Variants in HEMK2 observed in about 807,000 individuals in gnomAD.
HEMK2 encodes HemK methyltransferase 2, ETF1 glutamine and histone H4 lysine.
the HEMK2 span, among the ~76,000 whole-genome samples, chr21:28,854,576 G>A: frequency 6.6e-6 from 1 of 152,070 alleles, no homozygotes; most frequent in African/African-American, 2.4e-5. Flanking sequence ...ACAATCATAA[G>A]GTCCCACAAT....
At chr21:28,603,549 ATGTGTGTGTGTG>A in the HEMK2 span, among the ~76,000 whole-genome samples, 5,569 of 135,810 alleles carry the variant, frequency 0.041, 124 homozygotes, top group Middle Eastern at 0.055. Context: ...GAGGATATAT[ATGTGTGTGTGTG>A]TGTGTGTGTG....
chr21:28,773,426 G>T, the HEMK2 span, among the ~76,000 whole-genome samples: 1 of 152,102 alleles, frequency 6.6e-6, no homozygotes, highest in African/African-American at 2.4e-5. Context: ...ACAGAGCTCA[G>T]TAAAGACACA....
chr21:28,756,915 T>G, the HEMK2 span, among the ~76,000 whole-genome samples: 1 of 152,250 alleles, frequency 6.6e-6, no homozygotes. Context: ...ATCAATGCTA[T>G]TTTCTACTTA....
chr21:28,684,922 C>T, the HEMK2 span, among the ~76,000 whole-genome samples: 1 of 152,126 alleles, frequency 6.6e-6, no homozygotes, highest in Non-Finnish European at 1.5e-5. Flanking sequence ...AAGTCAGACA[C>T]TAGTTAAAGA....
the HEMK2 span, among the ~76,000 whole-genome samples, chr21:28,771,527 C>G: frequency 2.1e-5 from 3 of 139,708 alleles, no homozygotes; most frequent in African/African-American, 5.3e-5. Context: ...CACCCCCCCC[C>G]GCCAAAGAAT....
chr21:28,722,899 A>G, the HEMK2 span, among the ~76,000 whole-genome samples: 1 of 152,058 alleles, frequency 6.6e-6, no homozygotes, highest in Admixed American at 6.5e-5. Flanking sequence ...AAACAAACAA[A>G]CAAACAAACA....
the HEMK2 span, among the ~76,000 whole-genome samples, chr21:28,861,448 A>G: frequency 1.3e-5 from 2 of 152,370 alleles, no homozygotes; most frequent in Admixed American, 6.5e-5. Flanking sequence ...ACAAAAGACT[A>G]ATTTGAATTA....
At chr21:28,630,564 T>C in the HEMK2 span, among the ~76,000 whole-genome samples, 2 of 151,376 alleles carry the variant, frequency 1.3e-5, no homozygotes, top group African/African-American at 4.9e-5. Context: ...ATTAAGAAAA[T>C]GTGGCACATA....
chr21:28,621,024 T>A, the HEMK2 span, among the ~76,000 whole-genome samples: 3 of 152,032 alleles, frequency 2.0e-5, no homozygotes, highest in African/African-American at 7.2e-5. Flanking sequence ...GTTAATCTTT[T>A]CAAAAAACCA....
chr21:28,622,040 T>C, the HEMK2 span, among the ~76,000 whole-genome samples: 1 of 152,312 alleles, frequency 6.6e-6, no homozygotes, highest in East Asian at 1.9e-4. Flanking sequence ...TAAATATTCC[T>C]CCATCCCTTC....
At chr21:28,866,371 C>T in the HEMK2 span, among the ~76,000 whole-genome samples, 1 of 151,030 alleles carries the variant, frequency 6.6e-6, no homozygotes, top group African/African-American at 2.4e-5. Flanking sequence ...ATTGCTTAAA[C>T]CCAGGAGGCA....
chr21:28,863,645 C>T, the HEMK2 span, among the ~76,000 whole-genome samples: 1 of 151,390 alleles, frequency 6.6e-6, no homozygotes, highest in African/African-American at 2.4e-5. Context: ...AAAGCCCTTA[C>T]GTATACACAG....
At chr21:28,684,013 G>T in the HEMK2 span, among the ~76,000 whole-genome samples, 2 of 152,054 alleles carry the variant, frequency 1.3e-5, no homozygotes, top group African/African-American at 4.8e-5. Flanking sequence ...TAATTCAATA[G>T]ACACCAACAT....
chr21:28,850,282 T>C, the HEMK2 span, among the ~76,000 whole-genome samples: 1 of 141,686 alleles, frequency 7.1e-6, no homozygotes, highest in East Asian at 2.3e-4. Flanking sequence ...TGGAGTGCAG[T>C]GGCGCAATCT....
At chr21:28,697,778 CAA>C in the HEMK2 span, among the ~76,000 whole-genome samples, 31 of 79,500 alleles carry the variant, frequency 3.9e-4, no homozygotes, top group Admixed American at 3.2e-4. Flanking sequence ...ATCATGAGCC[CAA>C]AAAAAAAAAA....
the HEMK2 span, among the ~76,000 whole-genome samples, chr21:28,614,202 A>G: frequency 6.6e-6 from 1 of 152,248 alleles, no homozygotes; most frequent in Non-Finnish European, 1.5e-5. Context: ...AAGATGAATT[A>G]CATATAGTTT....
the HEMK2 span, among the ~76,000 whole-genome samples, chr21:28,709,998 G>T: frequency 6.6e-6 from 1 of 152,276 alleles, no homozygotes; most frequent in South Asian, 2.1e-4. Context: ...CCAGTCAAGG[G>T]TTTACAAACA....
At chr21:28,683,322 G>T in the HEMK2 span, among the ~76,000 whole-genome samples, 1 of 152,086 alleles carries the variant, frequency 6.6e-6, no homozygotes, top group Non-Finnish European at 1.5e-5. Context: ...TAAAGAAATA[G>T]GTCAAAAAGC....
chr21:28,871,449 C>T, the HEMK2 span, among the ~76,000 whole-genome samples: 1 of 152,104 alleles, frequency 6.6e-6, no homozygotes, highest in South Asian at 2.1e-4. Context: ...CAAGTCTGCC[C>T]CCATGATCCA....
Sources: gnomAD v4.1 joint callset for allele counts (sites outside exome capture counted in the v4.1 genomes callset) on GRCh38, gnomAD v4.1.1 for gene constraint, MANE v1.5 for transcripts, NCBI Gene and HGNC (gene_info 2026-07-23, HGNC 2026-07-21) for gene names.